The following TTC6 variants were observed in gnomAD, a reference collection of about 807,000 sequenced individuals.
TTC6 encodes tetratricopeptide repeat domain 6, also known as tetratricopeptide repeat protein 6.
TTC6 carries 172 observed loss-of-function variants against 210.4 expected under a neutral mutation model. The observed-to-expected ratio is 0.82, with a 90% CI of 0.72 to 0.93. TTC6 has a LOEUF of 0.93. Among genes scored for constraint, TTC6 ranks in the 40% least tolerant of loss-of-function variants. The pLI, the probability that TTC6 is intolerant of heterozygous loss-of-function variation, is 0.00. For missense variants in TTC6, 2,414 were observed against 2,318.1 expected (o/e 1.04, Z -0.85); for synonymous variants, 804 against 819.6 (o/e 0.98, Z 0.32).
At chr14:37,725,280 A>C (rs2095869407) in intron 7 of TTC6, among the ~76,000 whole-genome samples, 1 of 123,228 alleles carries the variant, frequency 8.1e-6, no homozygotes. Context: ...TATATATATA[A>C]AATTTATATA....
At chr14:37,808,306 A>G (rs982280182) in intron 23 of TTC6, among the ~76,000 whole-genome samples, 2 of 152,170 alleles carry the variant, frequency 1.3e-5, no homozygotes, top group Admixed American at 1.3e-4. Flanking sequence ...ATCAAAGAGG[A>G]AGCAAAAGAG....
intron 29 of TTC6, 135 bp downstream of exon 31, chr14:37,827,501 CTTTCA>C: frequency 1.2e-6 from 1 of 801,354 alleles, no homozygotes; most frequent in Non-Finnish European, 1.9e-6. Context: ...AAAATGTTAT[CTTTCA>C]TAAGAATGTT....
chr14:37,632,822 G>A (rs971865190), intron 1 of TTC6, among the ~76,000 whole-genome samples: 1 of 152,246 alleles, frequency 6.6e-6, no homozygotes, highest in Non-Finnish European at 1.5e-5. Flanking sequence ...TGCCCAGAGA[G>A]GAGGAATCTA....
At chr14:37,663,204 G>C (rs940039461) in intron 1 of TTC6, among the ~76,000 whole-genome samples, 1 of 152,090 alleles carries the variant, frequency 6.6e-6, no homozygotes, top group Non-Finnish European at 1.5e-5. Flanking sequence ...TGGCATGACT[G>C]TTGTTGGTGA....
At chr14:37,752,077 G>A (rs1199200226) in intron 13 of TTC6, among the ~76,000 whole-genome samples, 1 of 151,882 alleles carries the variant, frequency 6.6e-6, no homozygotes, top group Non-Finnish European at 1.5e-5. Flanking sequence ...CGCCCACCTT[G>A]GCCTCCCAAA....
At chr14:37,701,475 T>A in exon 5 of TTC6, 1 of 1,523,074 alleles carries the variant, frequency 6.6e-7, no homozygotes, top group African/African-American at 1.4e-5. Context: ...CTTGGAAAAT[T>A]TGGAACCTCT....
chr14:37,764,775 C>A (rs537158335), intron 14 of TTC6, among the ~76,000 whole-genome samples: 1 of 151,672 alleles, frequency 6.6e-6, no homozygotes, highest in East Asian at 1.9e-4. Flanking sequence ...ACATTTAATG[C>A]AATTAATGTT....
chr14:37,753,743 AT>A (rs3062809), intron 14 of TTC6, among the ~76,000 whole-genome samples: 31,429 of 139,226 alleles, frequency 0.23, 3,507 homozygotes, highest in East Asian at 0.44. Context: ...TAATTTTTCA[AT>A]TTTTTTTTTT....
At chr14:37,727,159 C>A (rs950023609) in intron 7 of TTC6, among the ~76,000 whole-genome samples, 7 of 151,854 alleles carry the variant, frequency 4.6e-5, no homozygotes, top group African/African-American at 1.7e-4. Flanking sequence ...GAGTTTAACC[C>A]ACCATCTTTG....
chr14:37,750,895 A>G (rs2095949819), intron 12 of TTC6, among the ~76,000 whole-genome samples, 158 bp from the exon 15 acceptor site: 1 of 152,180 alleles, frequency 6.6e-6, no homozygotes, highest in African/African-American at 2.4e-5. Context: ...GCCTAAAAAA[A>G]TAAAATAAAA....
chr14:37,676,297 G>T (rs952127728), intron 1 of TTC6, among the ~76,000 whole-genome samples: 2 of 152,042 alleles, frequency 1.3e-5, no homozygotes, highest in African/African-American at 4.8e-5. Context: ...AATAATCAGG[G>T]TATTTCCTTT....
chr14:37,682,951 G>C (rs1435389703), exon 3 of TTC6: 1 of 1,535,336 alleles, frequency 6.5e-7, no homozygotes, highest in Non-Finnish European at 8.7e-7. Flanking sequence ...GAAGCCAAGT[G>C]GGTGTCTTTA....
At chr14:37,690,260 A>G (rs1458638529) in intron 3 of TTC6, among the ~76,000 whole-genome samples, 1 of 152,158 alleles carries the variant, frequency 6.6e-6, no homozygotes, top group South Asian at 2.1e-4. Context: ...AAACTAGATC[A>G]TATCACCAAA....
At position 37,826,583 on chromosome 14, in the gene TTC6, C is replaced by T. The variant is rs149520671; in HGVS notation, c.5127+236C>T. Reference sequence around the variant, plus strand: ...AAATGTTGATCACTTTCAGTAAATACGCTTTATACTTTCATGGGACATCAA... The same window carrying T: ...AAATGTTGATCACTTTCAGTAAATATGCTTTATACTTTCATGGGACATCAA... On this transcript the variant is annotated intron_variant, in intron 28 of 30. Transcript: ENST00000553443. Among the ~76,000 whole-genome samples the T allele has an allele frequency of 2.1e-4, 32 of 152,024 alleles. No homozygotes were observed. The East Asian group carries it at 5.8e-3, about 28-fold the overall frequency.
chr14:37,599,786 T>C (rs900439864), intron 1 of TTC6, among the ~76,000 whole-genome samples: 1 of 152,168 alleles, frequency 6.6e-6, no homozygotes, highest in Non-Finnish European at 1.5e-5. Context: ...AAGTGCCCCC[T>C]AGGGCCTCGC....
intron 1 of TTC6, among the ~76,000 whole-genome samples, chr14:37,664,038 G>A (rs1281143934): frequency 6.8e-6 from 1 of 146,494 alleles, no homozygotes. Flanking sequence ...TCTTGCTCAT[G>A]GATAGGAAGA....
At chr14:37,742,026 CT>C (rs761938791) in intron 10 of TTC6, among the ~76,000 whole-genome samples, 109 of 152,128 alleles carry the variant, frequency 7.2e-4, no homozygotes, top group Middle Eastern at 3.2e-3. Context: ...TAGTGGCTGC[CT>C]TGACTCCCTT....
At chr14:37,825,264 A>G (rs796873266) in intron 27 of TTC6, among the ~76,000 whole-genome samples, 15 of 152,236 alleles carry the variant, frequency 9.9e-5, no homozygotes, top group African/African-American at 3.6e-4. Context: ...TCTAATCTCA[A>G]TTTGCCTGAT....
chr14:37,812,527 A>T (rs2139438348), intron 25 of TTC6, 94 bp downstream of exon 27: 1 of 1,234,668 alleles, frequency 8.1e-7, no homozygotes, highest in South Asian at 1.9e-5. Flanking sequence ...GGCAATATTA[A>T]TGAGTGGTAG....
Sources: allele counts gnomAD v4.1 joint callset (sites outside exome capture counted in the v4.1 genomes callset), GRCh38; gene constraint gnomAD v4.1.1; transcripts MANE v1.5; gene names NCBI Gene and HGNC (gene_info 2026-07-23, HGNC 2026-07-21).